The following RRAS2 variants were observed in gnomAD, a reference collection of about 807,000 sequenced individuals.
The protein encoded by RRAS2 is ras-related protein R-Ras2.
A neutral mutation model predicts 27.6 loss-of-function variants in RRAS2; 7 were observed. That is an observed-to-expected ratio of 0.25 (90% CI 0.14 to 0.48). RRAS2 has a LOEUF of 0.48. RRAS2 is among the 20% of genes least tolerant of loss of function. The pLI is 0.99. For missense variants in RRAS2, 178 were observed against 256.2 expected (o/e 0.69, Z 2.08); for synonymous variants, 86 against 90.9 (o/e 0.95, Z 0.31).
chr11:14,318,540 C>T (rs897122459), intron 1 of RRAS2, among the ~76,000 whole-genome samples: 4 of 151,834 alleles, frequency 2.6e-5, no homozygotes, highest in Non-Finnish European at 5.9e-5. Flanking sequence ...ACCTTGAGTG[C>T]CCAGGGATGA....
chr11:14,280,550 A>AC (rs1191607805), intron 5 of RRAS2, among the ~76,000 whole-genome samples: 2 of 151,698 alleles, frequency 1.3e-5, no homozygotes, highest in Non-Finnish European at 2.9e-5. Flanking sequence ...ATATGGTGAA[A>AC]CCCCATCTCT....
Position 14,358,042 on chromosome 11 carries a change from T to C in RRAS2, c.108+721A>G, listed in dbSNP as rs1302665670. Among the ~76,000 whole-genome samples the C allele has an allele frequency of 1.3e-5, 2 of 152,102 alleles. No homozygotes were observed. Among genetic ancestry groups the C allele is most frequent in the Non-Finnish European group, 2.9e-5 (2 of 68,002 alleles). On this transcript the variant is annotated intron_variant, in intron 1 of 5. Coordinates refer to ENST00000256196, the MANE Select transcript of RRAS2 (RefSeq NM_012250.6). The surrounding 1 kb of genome is among the most constrained non-coding windows in gnomAD (Gnocchi z 5.1). ...CAGAACGCACGACTCGGTCATATCC[T>C]AGCCCGGCCCATCCCAAACTTCACC...
chr11:14,329,098 C>T (rs1678891188), intron 1 of RRAS2, among the ~76,000 whole-genome samples: 1 of 137,326 alleles, frequency 7.3e-6, no homozygotes, highest in Non-Finnish European at 1.6e-5. Context: ...CACACACACA[C>T]GCATATACAT....
At chr11:14,308,041 C>G (rs1185557908) in intron 1 of RRAS2, among the ~76,000 whole-genome samples, 1 of 151,868 alleles carries the variant, frequency 6.6e-6, no homozygotes, top group East Asian at 1.9e-4. Context: ...GGTTAAATTA[C>G]GAAAGGTTCA....
At chr11:14,298,047 A>C (rs902959213) in intron 1 of RRAS2, among the ~76,000 whole-genome samples, 3 of 151,356 alleles carry the variant, frequency 2.0e-5, no homozygotes, top group Non-Finnish European at 4.4e-5. Flanking sequence ...TTTGGCACCC[A>C]TGCCACTTCA....
upstream of RRAS2, chr11:14,359,319 G>T: frequency 3.7e-6 from 1 of 272,554 alleles, no homozygotes; most frequent in Non-Finnish European, 5.6e-6. Context: ...CTAATCCCTA[G>T]CCAGTGAGCG....
chr11:14,286,398 G>A (rs552643080), intron 4 of RRAS2, among the ~76,000 whole-genome samples: 1 of 152,244 alleles, frequency 6.6e-6, no homozygotes, highest in South Asian at 2.1e-4. Flanking sequence ...TCTAGGTTTT[G>A]TTACAGGGTA....
intron 1 of RRAS2, among the ~76,000 whole-genome samples, chr11:14,312,082 C>A (rs1176100177): frequency 1.3e-5 from 2 of 152,126 alleles, no homozygotes; most frequent in African/African-American, 4.8e-5. Context: ...CCAGGCTGGT[C>A]TCAAACTCCT....
intron 1 of RRAS2, among the ~76,000 whole-genome samples, chr11:14,304,622 T>C (rs1847792056): frequency 6.6e-6 from 1 of 152,222 alleles, no homozygotes; most frequent in Admixed American, 6.5e-5. Flanking sequence ...AGCTAAGTAA[T>C]ATACTTGCAC....
intron 1 of RRAS2, among the ~76,000 whole-genome samples, chr11:14,298,910 C>A (rs1847626813): frequency 1.3e-5 from 2 of 152,158 alleles, no homozygotes; most frequent in South Asian, 4.1e-4. Context: ...TTTTGTTAAA[C>A]TTGGGTACCA....
chr11:14,327,557 T>TA (rs1848388105), intron 1 of RRAS2, among the ~76,000 whole-genome samples: 1 of 152,204 alleles, frequency 6.6e-6, no homozygotes, highest in Admixed American at 6.5e-5. Flanking sequence ...CTAGTAAACT[T>TA]ACATTGCCTG....
chr11:14,314,396 T>C (rs1322169372), intron 1 of RRAS2, among the ~76,000 whole-genome samples: 1 of 152,204 alleles, frequency 6.6e-6, no homozygotes, highest in Admixed American at 6.5e-5. Context: ...AATCATAATT[T>C]ACATATCAAC....
At chr11:14,354,321 A>AT (rs1463513281) in intron 1 of RRAS2, 2 of 152,250 alleles carry the variant, frequency 1.3e-5, no homozygotes, top group Admixed American at 6.5e-5. Flanking sequence ...TGCTAAAAAA[A>AT]ATATATAAAC....
intron 4 of RRAS2, among the ~76,000 whole-genome samples, chr11:14,281,997 G>A (rs1399231895): frequency 1.6e-4 from 25 of 152,228 alleles, no homozygotes; most frequent in Admixed American, 1.6e-3. Flanking sequence ...ATTCTGGGAA[G>A]GGAAAGTGTA....
intron 1 of RRAS2, among the ~76,000 whole-genome samples, chr11:14,354,779 T>C (rs980956982): frequency 2.7e-5 from 4 of 147,308 alleles, no homozygotes; most frequent in Non-Finnish European, 3.0e-5. Flanking sequence ...CAGGTTCAAG[T>C]GATTCTCTTG....
intron 1 of RRAS2, among the ~76,000 whole-genome samples, chr11:14,354,077 A>C (rs1849020986): frequency 6.6e-6 from 1 of 152,230 alleles, no homozygotes; most frequent in South Asian, 2.1e-4. Flanking sequence ...ATTTAAACTC[A>C]CAACCTTCAC....
chr11:14,315,314 G>A (rs1848074363), intron 1 of RRAS2, among the ~76,000 whole-genome samples: 2 of 152,098 alleles, frequency 1.3e-5, no homozygotes, highest in Non-Finnish European at 2.9e-5. Flanking sequence ...GATGAAAACG[G>A]TACTTCACCT....
chr11:14,303,206 T>C (rs752655022), intron 1 of RRAS2, among the ~76,000 whole-genome samples: 1 of 152,206 alleles, frequency 6.6e-6, no homozygotes, highest in Non-Finnish European at 1.5e-5. Context: ...ATTTGGAAAA[T>C]ACATATACCA....
Position 14,358,679 on chromosome 11 carries a change from G to A in RRAS2, c.108+84C>T. The A allele has an allele frequency of 9.7e-7, 1 of 1,029,374 alleles. No individual in the cohort carries two copies. The highest frequency in any genetic ancestry group is 4.4e-5 in the South Asian group (1 of 22,764). 63.8% of individuals were successfully genotyped at this position (1,029,374 alleles called of 1,614,324 possible). On this transcript the variant is annotated intron_variant, in intron 1 of 5. Coordinates refer to ENST00000256196, the MANE Select transcript of RRAS2 (RefSeq NM_012250.6). The surrounding 1 kb of genome is among the most constrained non-coding windows in gnomAD (Gnocchi z 5.1). ...GGCCCGCGAGGCGCCTCTGGGGCGA[G>A]GTCGCGGCGGCCGCCCCGCCACAGG...
Sources: allele counts gnomAD v4.1 joint callset (sites outside exome capture counted in the v4.1 genomes callset), GRCh38; gene constraint gnomAD v4.1.1; non-coding constraint Gnocchi (gnomAD v3.1); transcripts MANE v1.5; gene names NCBI Gene and HGNC (gene_info 2026-07-23, HGNC 2026-07-21).